Variants in DSCAM observed in about 807,000 individuals in gnomAD.
DSCAM encodes cell adhesion molecule DSCAM.
DSCAM carries 47 observed loss-of-function variants against 217.7 expected under a neutral mutation model. That is an observed-to-expected ratio of 0.22 (90% CI 0.17 to 0.28). DSCAM has a LOEUF of 0.28. Ranked by LOEUF, DSCAM falls within the 10% of genes least tolerant of loss-of-function variation. DSCAM has a pLI of 1.00. For synonymous variants in DSCAM, 1,056 were observed against 1,015.3 expected, an observed-to-expected ratio of 1.04 and a Z score of -0.76; for missense variants, 2,080 against 2,618.3, an observed-to-expected ratio of 0.79 and a Z score of 4.49.
chr21:40,600,611 T>C (rs762196094), intron 3 of DSCAM, among the ~76,000 whole-genome samples: 16 of 152,208 alleles, frequency 1.1e-4, no homozygotes, highest in South Asian at 2.1e-4. Context: ...CAAGGTTACC[T>C]AGACTTCCTC....
chr21:40,305,821 G>A (rs370243230), intron 9 of DSCAM, among the ~76,000 whole-genome samples: 19 of 152,044 alleles, frequency 1.2e-4, no homozygotes, highest in Non-Finnish European at 2.4e-4. Context: ...TGGTACCAGT[G>A]CCATGCTGTT....
At chr21:40,078,153 TGTGA>T (rs1194077976) in intron 26 of DSCAM, among the ~76,000 whole-genome samples, 5 of 152,234 alleles carry the variant, frequency 3.3e-5, no homozygotes. Context: ...GGCAAGTGTG[TGTGA>T]GTTTGTGTGT....
rs2090054843 is a variant in DSCAM, at chr21:40,654,761, CCCTTG to C, written c.508+38044_508+38048del. 2.0e-5 allele frequency among the ~76,000 whole-genome samples: 3 copies of C among 152,146 alleles called. No individual in the cohort carries two copies. The South Asian group carries it at 6.2e-4, about 32-fold the overall frequency. ...TGACTCTGACTTTCACTTATAATGA[CCCTTG>C]AACAACACCGGGCCCATCCAGGTGA... On this transcript the variant is annotated intron_variant, in intron 3 of 32. Transcript: ENST00000400454.
rs1002878048 is a variant in DSCAM at position 40,058,071 on chromosome 21, G to A, written c.4920-2231C>T. ...GTATTTTTAGTAGAGACCGGGTTTCGCCCTGTTAGCCAGAATGGTCTCAAT... is the reference window on the plus strand; with the variant it reads ...GTATTTTTAGTAGAGACCGGGTTTCACCCTGTTAGCCAGAATGGTCTCAAT... On this transcript the variant is annotated intron_variant, in intron 28 of 32. Coordinates refer to ENST00000400454, the MANE Select transcript of DSCAM (RefSeq NM_001389.5). Among the ~76,000 whole-genome samples the A allele has an allele frequency of 5.9e-5, 9 of 151,610 alleles. No individual in the cohort carries two copies. The East Asian group carries it at 7.8e-4, about 13-fold the overall frequency.
At chr21:40,328,083 G>A (rs1008603392) in intron 8 of DSCAM, among the ~76,000 whole-genome samples, 1 of 151,854 alleles carries the variant, frequency 6.6e-6, no homozygotes, top group African/African-American at 2.4e-5. Context: ...GTGACCTACA[G>A]AGTCAATGTA....
intron 3 of DSCAM, among the ~76,000 whole-genome samples, chr21:40,424,698 C>A (rs573094195): frequency 6.6e-5 from 10 of 152,242 alleles, no homozygotes; most frequent in Middle Eastern, 6.8e-3. Context: ...AAAGGTTCAA[C>A]AACGATATGC....
chr21:40,492,489 C>T (rs7278429), intron 3 of DSCAM, among the ~76,000 whole-genome samples: 13,470 of 151,986 alleles, frequency 0.089, 697 homozygotes, highest in Middle Eastern at 0.16. Flanking sequence ...AAACAATTCA[C>T]TGAGATCAGG....
intron 32 of DSCAM, among the ~76,000 whole-genome samples, chr21:40,039,622 A>C (rs965009092): frequency 6.6e-6 from 1 of 152,186 alleles, no homozygotes; most frequent in Non-Finnish European, 1.5e-5. Flanking sequence ...AATACTATTA[A>C]TTCATTTAAA....
intron 8 of DSCAM, among the ~76,000 whole-genome samples, chr21:40,318,197 AG>A (rs2074221261): frequency 2.8e-5 from 2 of 72,264 alleles, no homozygotes; most frequent in Non-Finnish European, 2.6e-5. Context: ...GGGTGGGGGG[AG>A]GGGGGACGGA....
At chr21:40,347,968 G>A in intron 5 of DSCAM, 23 bp from the exon 6 acceptor site, 1 of 1,593,746 alleles carries the variant, frequency 6.3e-7, no homozygotes, top group Non-Finnish European at 8.5e-7. Flanking sequence ...GTAAGAGAGA[G>A]AGAAAAAAGA....
At chr21:40,079,443 G>A (rs551163940) in intron 25 of DSCAM, among the ~76,000 whole-genome samples, 1 of 152,084 alleles carries the variant, frequency 6.6e-6, no homozygotes, top group Non-Finnish European at 1.5e-5. Context: ...ATCAATCCCC[G>A]ATCATTTGAC....
In DSCAM at chr21:40,187,004, G is replaced by A. The variant is rs1032003064; in HGVS notation, c.2779+127C>T. ...GGATGTGCTTCCAGCAAGGAGACTG[G>A]GGGAAGTGGTGCCCTCTGAGCTCCT... On this transcript the variant is annotated intron_variant, in intron 14 of 32. Transcript: ENST00000400454. 2.0e-5 allele frequency: 23 copies of A among 1,167,162 alleles called. No individual in the cohort carries two copies. In the East Asian group the frequency reaches 5.7e-4, roughly 29 times the overall value. 72.3% of individuals were successfully genotyped at this position (1,167,162 alleles called of 1,614,324 possible).
intron 11 of DSCAM, among the ~76,000 whole-genome samples, chr21:40,225,058 T>C (rs1256609975): frequency 6.6e-6 from 1 of 152,192 alleles, no homozygotes; most frequent in Non-Finnish European, 1.5e-5. Context: ...ACACACACCA[T>C]ACACTCAGGT....
At chr21:40,437,788 T>G (rs1350825856) in intron 3 of DSCAM, among the ~76,000 whole-genome samples, 3 of 152,066 alleles carry the variant, frequency 2.0e-5, no homozygotes, top group African/African-American at 7.2e-5. Flanking sequence ...AGGCAGAGGT[T>G]GCAGTGAGCC....
Position 40,737,357 on chromosome 21 carries a change from C to T in DSCAM, c.44-28586G>A, listed in dbSNP as rs138722076. On this transcript the variant is annotated intron_variant, in intron 1 of 32. Transcript: ENST00000400454. ...GGTTTGCTTTTAAAAACTCAGCAAC[C>T]GGCCGGACAGTGGCTCACGCCTGTA... is the stretch of plus-strand genomic sequence containing the variant. 7.6e-4 allele frequency among the ~76,000 whole-genome samples: 115 copies of T among 152,188 alleles called. 1 individual carries two copies. In the East Asian group the frequency reaches 0.016, roughly 22 times the overall value.
chr21:40,462,924 G>T (rs918648229), intron 3 of DSCAM, among the ~76,000 whole-genome samples: 7 of 152,088 alleles, frequency 4.6e-5, no homozygotes, highest in African/African-American at 1.2e-4. Flanking sequence ...ATTCAACTTT[G>T]CAAAATAGAA....
intron 3 of DSCAM, among the ~76,000 whole-genome samples, chr21:40,406,434 T>G (rs991604238): frequency 2.0e-5 from 3 of 152,200 alleles, no homozygotes; most frequent in African/African-American, 7.2e-5. Context: ...AAAGAAAATA[T>G]GTATAAACCA....
intron 18 of DSCAM, among the ~76,000 whole-genome samples, chr21:40,134,386 G>A (rs915774886): frequency 2.6e-5 from 4 of 152,150 alleles, no homozygotes; most frequent in African/African-American, 4.8e-5. Flanking sequence ...ACACACACAC[G>A]CTGCACACTT....
At position 40,724,285 on chromosome 21, in the gene DSCAM, T is replaced by C. The variant is rs534728643; in HGVS notation, c.44-15514A>G. ...GATCACAGGCAGTAAAGCACATGAATAAACCAAAATGATGTAAATGGCTCC... is the reference window on the plus strand; with the variant it reads ...GATCACAGGCAGTAAAGCACATGAACAAACCAAAATGATGTAAATGGCTCC... On this transcript the variant is annotated intron_variant, in intron 1 of 32. Coordinates refer to ENST00000400454, the MANE Select transcript of DSCAM (RefSeq NM_001389.5). Among the ~76,000 whole-genome samples, 51 of 152,244 alleles carry C rather than the reference T, an allele frequency of 3.3e-4. 1 individual carries two copies. In the South Asian group the frequency reaches 0.01, roughly 30 times the overall value.
Sources: gnomAD v4.1 joint callset for allele counts (sites outside exome capture counted in the v4.1 genomes callset) on GRCh38, gnomAD v4.1.1 for gene constraint, MANE v1.5 for transcripts, NCBI Gene and HGNC (gene_info 2026-07-23, HGNC 2026-07-21) for gene names.